The following PDE1A variants were observed in gnomAD, a reference collection of about 807,000 sequenced individuals.
PDE1A encodes the protein phosphodiesterase 1A, also known as dual specificity calcium/calmodulin-dependent 3',5'-cyclic nucleotide phosphodiesterase 1A.
PDE1A carries 35 observed loss-of-function variants against 61.7 expected under a neutral mutation model. The observed-to-expected ratio is 0.57, with a 90% CI of 0.43 to 0.75. The LOEUF is 0.75. Ranked by LOEUF, PDE1A falls within the 30% of genes least tolerant of loss-of-function variation. The pLI is 0.00. For missense variants in PDE1A, 597 were observed against 630.6 expected (o/e 0.95, Z 0.57); for synonymous variants, 232 against 213.2 (o/e 1.09, Z -0.77).
chr2:182,591,676 C>A, the PDE1A span, among the ~76,000 whole-genome samples: 1 of 152,170 alleles, frequency 6.6e-6, no homozygotes, highest in Non-Finnish European at 1.5e-5. Flanking sequence ...GCCTCTCCCC[C>A]AAGCTGTGAC....
At chr2:182,361,406 A>AT (rs773418949) in intron 1 of PDE1A, among the ~76,000 whole-genome samples, 1 of 152,012 alleles carries the variant, frequency 6.6e-6, no homozygotes, top group Non-Finnish European at 1.5e-5. Flanking sequence ...TTTTGCTAAC[A>AT]TTTTTTCCCC....
the PDE1A span, among the ~76,000 whole-genome samples, chr2:182,681,155 T>C: frequency 2.0e-5 from 3 of 151,698 alleles, no homozygotes; most frequent in African/African-American, 4.9e-5. Flanking sequence ...CCTGTTTTTT[T>C]TGTTTTTTTT....
At chr2:182,687,124 A>G in the PDE1A span, among the ~76,000 whole-genome samples, 1 of 152,234 alleles carries the variant, frequency 6.6e-6, no homozygotes, top group Non-Finnish European at 1.5e-5. Flanking sequence ...ATAGCTGAAC[A>G]AAAGGCAGCA....
At chr2:182,337,990 A>G (rs1016463127) in intron 1 of PDE1A, among the ~76,000 whole-genome samples, 2 of 152,286 alleles carry the variant, frequency 1.3e-5, no homozygotes, top group Admixed American at 1.3e-4. Flanking sequence ...TTCCTACTGG[A>G]TCCTCCATTT....
At chr2:182,384,582 T>G (rs1047672327) in intron 1 of PDE1A, among the ~76,000 whole-genome samples, 6 of 151,340 alleles carry the variant, frequency 4.0e-5, no homozygotes, top group Non-Finnish European at 7.4e-5. Context: ...TACAAATAAC[T>G]TGAACTCCAA....
At chr2:182,587,405 C>T in the PDE1A span, among the ~76,000 whole-genome samples, 4 of 152,314 alleles carry the variant, frequency 2.6e-5, no homozygotes, top group East Asian at 1.9e-4. Flanking sequence ...ACTCTTTTAA[C>T]AGGTCCAATA....
chr2:182,600,081 T>G, the PDE1A span, among the ~76,000 whole-genome samples: 59 of 152,340 alleles, frequency 3.9e-4, no homozygotes, highest in South Asian at 6.4e-3. Flanking sequence ...TTTCCATCAT[T>G]GTTAATTAGA....
the PDE1A span, among the ~76,000 whole-genome samples, chr2:182,611,920 C>G: frequency 6.6e-6 from 1 of 152,108 alleles, no homozygotes; most frequent in African/African-American, 2.4e-5. Context: ...ACAAGAACAG[C>G]CAGGCCAGCT....
chr2:182,561,112 T>C, the PDE1A span, among the ~76,000 whole-genome samples: 1 of 147,236 alleles, frequency 6.8e-6, no homozygotes, highest in Non-Finnish European at 1.5e-5. Flanking sequence ...TTTGGTGTTT[T>C]AGACATGAAG....
In PDE1A at chr2:182,499,175, T is replaced by TTTTTTTTTTTTG. The variant is rs1385789584; in HGVS notation, c.101+23100_101+23101insCAAAAAAAAAAA. Among the ~76,000 whole-genome samples, 8 of 47,386 alleles carry TTTTTTTTTTTTG rather than the reference T, an allele frequency of 1.7e-4. 1 individual carries two copies. Among genetic ancestry groups the TTTTTTTTTTTTG allele is most frequent in the African/African-American group, 7.0e-4 (7 of 9,962 alleles). The allele number at this position is 47,386 out of a possible 152,430, so 31.1% of individuals were successfully genotyped here. A position where few individuals can be genotyped will look rare whatever the true frequency, so the allele number is the denominator to read the frequency against. The stretch of plus-strand genomic sequence containing the variant: ...GCTATTTTCTTTCTCTTTTTCTTGT[T>TTTTTTTTTTTTG]TTTTTTTTTTTTTTTTTTTGAGACG... On this transcript the variant is annotated intron_variant, in intron 2 of 14. Transcript: ENST00000410103.
chr2:182,646,403 A>G, the PDE1A span, among the ~76,000 whole-genome samples: 1 of 151,356 alleles, frequency 6.6e-6, no homozygotes, highest in Non-Finnish European at 1.5e-5. Context: ...AAAAAAAAAA[A>G]AAAAAGCCAT....
chr2:182,283,092 G>C (rs1693918843), intron 1 of PDE1A, among the ~76,000 whole-genome samples: 1 of 152,006 alleles, frequency 6.6e-6, no homozygotes, highest in Non-Finnish European at 1.5e-5. Flanking sequence ...CAATAGGAAA[G>C]AAATATTTTC....
the PDE1A span, among the ~76,000 whole-genome samples, chr2:182,591,723 G>T: frequency 6.6e-6 from 1 of 152,036 alleles, no homozygotes; most frequent in Admixed American, 6.6e-5. Context: ...AAATATTTTG[G>T]GACAGGAGGT....
chr2:182,397,065 A>T (rs2125423129), intron 1 of PDE1A, among the ~76,000 whole-genome samples: 1 of 152,300 alleles, frequency 6.6e-6, no homozygotes, highest in East Asian at 1.9e-4. Context: ...TTTATCTCAT[A>T]GGAAATACTC....
At chr2:182,438,621 G>A (rs1574657291) in intron 2 of PDE1A, among the ~76,000 whole-genome samples, 1 of 151,882 alleles carries the variant, frequency 6.6e-6, no homozygotes, top group African/African-American at 2.4e-5. Flanking sequence ...GAGAAAGAAA[G>A]TTCAGTCAAA....
At chr2:182,540,871 T>C in the PDE1A span, among the ~76,000 whole-genome samples, 6 of 152,164 alleles carry the variant, frequency 3.9e-5, no homozygotes, top group Non-Finnish European at 8.8e-5. Flanking sequence ...TATACATGCA[T>C]AGGACCTCCC....
chr2:182,373,773 T>A (rs1335123538), intron 1 of PDE1A, among the ~76,000 whole-genome samples: 1 of 152,134 alleles, frequency 6.6e-6, no homozygotes, highest in Non-Finnish European at 1.5e-5. Context: ...AAGAAGGAAT[T>A]CAGGCAGGGA....
At chr2:182,302,801 T>A (rs1222165120) in intron 1 of PDE1A, among the ~76,000 whole-genome samples, 1 of 152,192 alleles carries the variant, frequency 6.6e-6, no homozygotes, top group Non-Finnish European at 1.5e-5. Flanking sequence ...TAAGTTTTTT[T>A]TTTCTTACCA....
At chr2:182,691,216 C>T in the PDE1A span, among the ~76,000 whole-genome samples, 2 of 152,112 alleles carry the variant, frequency 1.3e-5, no homozygotes, top group South Asian at 2.1e-4. Flanking sequence ...GAGCCCACAT[C>T]ACCAAGTCAA....
Sources: gnomAD v4.1 joint callset for allele counts (sites outside exome capture counted in the v4.1 genomes callset) on GRCh38, gnomAD v4.1.1 for gene constraint, MANE v1.5 for transcripts, NCBI Gene and HGNC (gene_info 2026-07-23, HGNC 2026-07-21) for gene names.